COQ5: variants seen among roughly 807,000 people sequenced by gnomAD.
The protein encoded by COQ5 is 2-methoxy-6-polyprenyl-1,4-benzoquinol methylase, mitochondrial.
Under a neutral mutation model 40.5 loss-of-function variants are expected in COQ5, and 27 were observed. The observed-to-expected ratio is 0.67, with a 90% CI of 0.49 to 0.92. COQ5 has a LOEUF of 0.92. Ranked by LOEUF, COQ5 falls within the 40% of genes least tolerant of loss-of-function variation. The pLI, the probability that COQ5 is intolerant of heterozygous loss-of-function variation, is 0.00. For synonymous variants in COQ5, 141 were observed against 150.0 expected (o/e 0.94, Z 0.44); for missense variants, 409 against 406.4 (o/e 1.01, Z -0.06).
In COQ5 at chr12:120,522,299, A is replaced by G. The variant is rs142784328; in HGVS notation, c.267T>C (p.Gly89=). The change falls in exon 2 of 7, where the codon GGT becomes GGC. Residue 89 remains glycine (G), a synonymous_variant. Transcript: ENST00000288532. ...YDVMNDMMSL[G]IHRVWKDLLL... ...GCAAATCCTTCCAAACACGATGGATACCAAGACTCATCATATCATTCATCA... is the reference window on the plus strand; with the variant it reads ...GCAAATCCTTCCAAACACGATGGATGCCAAGACTCATCATATCATTCATCA... The G allele has an allele frequency of 2.1e-3, 3,385 of 1,613,640 alleles. 16 individuals carry two copies. The highest frequency in any genetic ancestry group is 1.8e-3 in the Non-Finnish European group (2,182 of 1,179,550).
chr12:120,511,244 G>A (rs1367216242), intron 3 of COQ5, among the ~76,000 whole-genome samples: 18 of 142,386 alleles, frequency 1.3e-4, no homozygotes, highest in African/African-American at 3.8e-4. Context: ...GTGACAGAGC[G>A]AGACTCTGTC....
chr12:120,528,821 C>A (rs1241884772), intron 1 of COQ5, 119 bp downstream of exon 1: 25 of 928,634 alleles, frequency 2.7e-5, no homozygotes, highest in South Asian at 2.9e-5. Flanking sequence ...AAAAAAAAAT[C>A]ATAACTGCAC....
chr12:120,504,085 G>C lies in COQ5; in HGVS notation c.771-4C>G, dbSNP rs868660115. ...GAAGCTATATAGATCATAAAGCCTA[G>C]GCAAACAAAAAGGTAAAAGATGAAG... On this transcript the variant is annotated splice_polypyrimidine_tract_variant and splice_region_variant and intron_variant, in intron 5 of 6. Coordinates refer to ENST00000288532, the MANE Select transcript of COQ5 (RefSeq NM_032314.4). 6.4e-7 allele frequency: 1 copy of C among 1,554,248 alleles called. No homozygotes were observed. The highest frequency in any genetic ancestry group is 1.7e-4 in the Middle Eastern group (1 of 5,846).
chr12:120,517,814 CTTT>C (rs960352010), intron 2 of COQ5, among the ~76,000 whole-genome samples: 3 of 148,802 alleles, frequency 2.0e-5, no homozygotes, highest in Non-Finnish European at 4.5e-5. Flanking sequence ...TTCTTTCTTT[CTTT>C]TTTTTTGAGA....
At position 120,503,804 on chromosome 12, in the gene COQ5, G is replaced by T. The variant is rs114305778; in HGVS notation, c.964C>A (p.His322Asn). 1.9e-6 allele frequency: 3 copies of T among 1,613,772 alleles called. No homozygotes were observed. Among genetic ancestry groups the T allele is most frequent in the Non-Finnish European group, 1.7e-6 (2 of 1,179,628 alleles). ...AGGAATTAAAGTTTGAAGCCAGAAT[G>T]AATGGCCACAATGCCTGATGTTAGA... ...ESLTSGIVAI[H>N]SGFKL Residue 322 changes from histidine to asparagine, a missense_variant, in exon 7 of 7, where the codon CAT becomes AAT. Transcript: ENST00000288532.
At chr12:120,509,864 C>T (rs1869048118) in intron 4 of COQ5, 153 bp downstream of exon 4, 6 of 669,236 alleles carry the variant, frequency 9.0e-6, no homozygotes, top group Admixed American at 4.2e-5. Flanking sequence ...TGTGGAAGGA[C>T]TGCTTGAGCC....
At chr12:120,504,271 T>A (rs937776499) in intron 5 of COQ5, among the ~76,000 whole-genome samples, 190 bp from the exon 6 acceptor site, 2 of 152,048 alleles carry the variant, frequency 1.3e-5, no homozygotes, top group African/African-American at 4.8e-5. Flanking sequence ...GGAAGTATTA[T>A]GAAGTGGAGA....
At chr12:120,524,086 C>T (rs1869815928) in intron 1 of COQ5, 1 of 255,776 alleles carries the variant, frequency 3.9e-6, no homozygotes, top group Admixed American at 5.5e-5. Context: ...TGAGAAGAAC[C>T]TCAGGTACAA....
chr12:120,505,368 CT>C (rs749349147), intron 4 of COQ5, among the ~76,000 whole-genome samples: 56 of 149,626 alleles, frequency 3.7e-4, no homozygotes, highest in African/African-American at 1.2e-3. Context: ...GGGTTATTCA[CT>C]TTTTTTTTTA....
chr12:120,508,929 G>A (rs1380951720), intron 4 of COQ5, among the ~76,000 whole-genome samples: 1 of 151,830 alleles, frequency 6.6e-6, no homozygotes, highest in Non-Finnish European at 1.5e-5. Flanking sequence ...GGAGGCTGAC[G>A]CAGGAGAATT....
intron 1 of COQ5, chr12:120,522,592 C>T: frequency 3.1e-6 from 2 of 641,996 alleles, no homozygotes; most frequent in South Asian, 1.8e-5. Context: ...AGGACCCCAG[C>T]CCCATGCAGA....
At chr12:120,518,930 C>G (rs542531867) in intron 2 of COQ5, among the ~76,000 whole-genome samples, 65 of 152,188 alleles carry the variant, frequency 4.3e-4, no homozygotes, top group Non-Finnish European at 6.8e-4. Context: ...ATATGCGCTA[C>G]TGAAGTGAGC....
At chr12:120,525,900 G>C (rs936382102) in intron 1 of COQ5, among the ~76,000 whole-genome samples, 1 of 151,364 alleles carries the variant, frequency 6.6e-6, no homozygotes, top group Non-Finnish European at 1.5e-5. Context: ...ACTCCAGCCT[G>C]GGCGACAGAG....
intron 1 of COQ5, 95 bp downstream of exon 1, chr12:120,528,845 G>A (rs1870086740): frequency 1.8e-6 from 2 of 1,134,640 alleles, no homozygotes. Flanking sequence ...CAACAACACT[G>A]GAACTAATTG....
At chr12:120,521,867 T>G (rs1407464223) in intron 2 of COQ5, among the ~76,000 whole-genome samples, 1 of 148,586 alleles carries the variant, frequency 6.7e-6, no homozygotes, top group Admixed American at 6.7e-5. Flanking sequence ...CATGGTGGAG[T>G]ACGCCCGTAG....
intron 4 of COQ5, among the ~76,000 whole-genome samples, chr12:120,507,324 G>A (rs963035108): frequency 2.0e-4 from 30 of 148,210 alleles, no homozygotes; most frequent in African/African-American, 5.2e-4. Flanking sequence ...TCGTTCTGTC[G>A]CCCAGGCTGG....
At position 120,510,485 on chromosome 12, in the gene COQ5, A is replaced by G. The variant is rs187179635; in HGVS notation, c.575-362T>C. Among the ~76,000 whole-genome samples the G allele has an allele frequency of 3.5e-3, 526 of 151,894 alleles. 2 individuals are homozygous for G. The highest frequency in any genetic ancestry group is 5.7e-3 in the Non-Finnish European group (386 of 67,928). ...CCACCCTGCCCAGCTAGTTTTTAAA[A>G]ATTTCTTCTGTAGAGACGAGGTCTC... On this transcript the variant is annotated intron_variant, in intron 3 of 6. Coordinates refer to ENST00000288532, the MANE Select transcript of COQ5 (RefSeq NM_032314.4).
intron 2 of COQ5, among the ~76,000 whole-genome samples, chr12:120,517,542 C>T (rs1869436224): frequency 2.0e-5 from 3 of 147,196 alleles, no homozygotes. Flanking sequence ...ATTAGCCAGG[C>T]GTGGTGGTGG....
At chr12:120,526,528 C>T (rs1869951943) in intron 1 of COQ5, 2 of 453,772 alleles carry the variant, frequency 4.4e-6, no homozygotes, top group Admixed American at 4.8e-5. Flanking sequence ...CCAGCAAAAA[C>T]TTTCACATTA....
Sources: allele counts gnomAD v4.1 joint callset (sites outside exome capture counted in the v4.1 genomes callset), GRCh38; gene constraint gnomAD v4.1.1; transcripts MANE v1.5; gene names NCBI Gene and HGNC (gene_info 2026-07-23, HGNC 2026-07-21).